Variants in ZGRF1 observed in about 807,000 individuals in gnomAD.
ZGRF1 encodes zinc finger GRF-type containing 1.
A neutral mutation model predicts 203.5 loss-of-function variants in ZGRF1; 196 were observed. That is an observed-to-expected ratio of 0.96 (90% CI 0.86 to 1.08). The LOEUF (loss-of-function observed/expected upper bound fraction) is 1.08, where lower values mean the gene tolerates loss of function less well. Ranked by LOEUF, ZGRF1 falls within the 50% of genes least tolerant of loss-of-function variation. ZGRF1 has a pLI of 0.00. For missense variants in ZGRF1, 2,326 were observed against 2,416.3 expected (o/e 0.96, Z 0.78); for synonymous variants, 809 against 841.3 (o/e 0.96, Z 0.66).
intron 22 of ZGRF1, among the ~76,000 whole-genome samples, chr4:112,551,479 T>C (rs1394994702): frequency 6.6e-6 from 1 of 152,186 alleles, no homozygotes; most frequent in Non-Finnish European, 1.5e-5. Flanking sequence ...ACAAATTAAA[T>C]ACTGCCTCCA....
intron 1 of ZGRF1, among the ~76,000 whole-genome samples, chr4:112,636,254 TACAC>T (rs1454385608): frequency 6.6e-6 from 1 of 152,152 alleles, no homozygotes; most frequent in Non-Finnish European, 1.5e-5. Flanking sequence ...CATACATACA[TACAC>T]ACAGATATAC....
At chr4:112,576,457 G>C (rs1007072268) in intron 16 of ZGRF1, among the ~76,000 whole-genome samples, 1 of 152,094 alleles carries the variant, frequency 6.6e-6, no homozygotes, top group African/African-American at 2.4e-5. Flanking sequence ...AGAGAAGAAG[G>C]CTCCAGACGA....
At chr4:112,614,772 A>G (rs2046810168) in intron 6 of ZGRF1, among the ~76,000 whole-genome samples, 1 of 152,092 alleles carries the variant, frequency 6.6e-6, no homozygotes, top group Non-Finnish European at 1.5e-5. Context: ...GGTTGCAGTG[A>G]GCCAAGATCG....
chr4:112,628,864 G>A (rs1384177923), intron 3 of ZGRF1: 3 of 430,028 alleles, frequency 7.0e-6, no homozygotes, highest in Admixed American at 5.9e-5. Context: ...AAAGAAAAAG[G>A]CAGAATATAA....
At chr4:112,632,905 G>A (rs1346672312) in intron 2 of ZGRF1, among the ~76,000 whole-genome samples, 3 of 152,202 alleles carry the variant, frequency 2.0e-5, no homozygotes, top group African/African-American at 7.2e-5. Context: ...GAAAAGTGAT[G>A]ATTTTGTGTA....
At chr4:112,567,900 G>C (rs1013963559) in intron 16 of ZGRF1, among the ~76,000 whole-genome samples, 3 of 151,952 alleles carry the variant, frequency 2.0e-5, no homozygotes, top group Admixed American at 6.6e-5. Context: ...CAGCCTGGGT[G>C]ACAGAGTGAG....
intron 16 of ZGRF1, chr4:112,564,918 C>A: frequency 1.4e-6 from 1 of 703,890 alleles, no homozygotes; most frequent in Non-Finnish European, 2.6e-6. Context: ...CTCTCCAACG[C>A]CAGCGCCGCC....
intron 20 of ZGRF1, among the ~76,000 whole-genome samples, chr4:112,556,005 G>T (rs542968319): frequency 8.4e-4 from 126 of 150,614 alleles, no homozygotes; most frequent in African/African-American, 2.8e-3. Flanking sequence ...TTTCACTTTG[G>T]GCTAAGCAAT....
chr4:112,585,408 G>T, intron 14 of ZGRF1, 133 bp downstream of exon 14: 1 of 538,594 alleles, frequency 1.9e-6, no homozygotes, highest in Non-Finnish European at 3.0e-6. Context: ...TTTAATGTAT[G>T]TTAGGTACCA....
chr4:112,599,613 T>C (rs1356083377), intron 10 of ZGRF1, among the ~76,000 whole-genome samples: 3 of 151,338 alleles, frequency 2.0e-5, no homozygotes, highest in Non-Finnish European at 2.9e-5. Flanking sequence ...TCTCAGCTAC[T>C]TGGGAGGCTG....
chr4:112,539,467 G>C lies in ZGRF1; in HGVS notation c.*80C>G, dbSNP rs956814984. ...ATCATATTTTTAATAAGAGGGTTTA[G>C]AGTAATAAAAATATAAAAAATATAT... On this transcript the variant is annotated 3_prime_UTR_variant, in exon 28 of 28. Transcript: ENST00000505019. 26 of 755,614 alleles carry C rather than the reference G, an allele frequency of 3.4e-5. No homozygotes were observed. The highest frequency in any genetic ancestry group is 5.0e-5 in the Non-Finnish European group (25 of 495,272). 46.8% of individuals were successfully genotyped at this position (755,614 alleles called of 1,614,324 possible). A position where few individuals can be genotyped will look rare whatever the true frequency, so the allele number is the denominator to read the frequency against.
rs764440726 is a variant in ZGRF1 at position 112,623,823 on chromosome 4, G to T, written c.156C>A (p.Cys52Ter). ...GATAAACACACTAAAATACCTCAAG[G>T]CATTTAAGAAACAGACTCTCCAAAC... ...GACLESLFLK[C>*]LEVKPGDDLE... Residue 52 changes from cysteine (C) to a stop codon, truncating the protein, a stop_gained, in exon 4 of 28, where the codon TGC (cysteine) becomes TGA (stop). Coordinates refer to ENST00000505019, the MANE Select transcript of ZGRF1 (RefSeq NM_018392.5). LOFTEE classifies it high-confidence loss of function. 2 of 1,558,838 alleles carry T rather than the reference G, an allele frequency of 1.3e-6. No homozygotes were observed. The highest frequency in any genetic ancestry group is 1.7e-5 in the Admixed American group (1 of 57,316).
At chr4:112,622,854 TG>T (rs2047107579) in intron 4 of ZGRF1, among the ~76,000 whole-genome samples, 1 of 152,194 alleles carries the variant, frequency 6.6e-6, no homozygotes, top group Non-Finnish European at 1.5e-5. Context: ...CAGGAGTACA[TG>T]TGCAGGTTTG....
chr4:112,554,913 T>C, intron 20 of ZGRF1, 131 bp from the exon 21 acceptor site: 1 of 480,396 alleles, frequency 2.1e-6, no homozygotes. Context: ...GTGAAATACC[T>C]AAACTCAAAC....
Position 112,618,042 on chromosome 4 carries a change from T to A in ZGRF1, c.2000A>T (p.Gln667Leu), listed in dbSNP as rs1248024070. Residue 667 changes from glutamine to leucine, a missense_variant, in exon 6 of 28, where the codon CAA (glutamine) becomes CTA (leucine). By Grantham distance (113) the Gln-to-Leu change is moderately radical. Transcript: ENST00000505019. Reference sequence around the variant, plus strand: ...AAAATCATAGTTAATTCTGACTTCTTGAATAGGTTTATTAGCATCTTCTTT... The same window carrying A: ...AAAATCATAGTTAATTCTGACTTCTAGAATAGGTTTATTAGCATCTTCTTT... ...DNKEDANKPI[Q>L]EVRINYDFAL... 6.8e-6 allele frequency: 11 copies of A among 1,613,284 alleles called. No individual in the cohort carries two copies. The highest frequency in any genetic ancestry group is 9.3e-6 in the Non-Finnish European group (11 of 1,179,822).
rs150137593 is a variant in ZGRF1 at position 112,617,439 on chromosome 4, C to T, written c.2602+1G>A. On this transcript the variant is annotated splice_donor_variant, in intron 6 of 27. Transcript: ENST00000505019. LOFTEE classifies it high-confidence loss of function. ...TTCCAAAATAGACATGCAATTCTAA[C>T]CTTCAGGAGGGCTATCTGGCTCATA... is the stretch of plus-strand genomic sequence containing the variant. 5.2e-6 allele frequency: 8 copies of T among 1,529,410 alleles called. No homozygotes were observed. Among genetic ancestry groups the T allele is most frequent in the Non-Finnish European group, 7.0e-6 (8 of 1,143,530 alleles). The allele number at this position is 1,529,410 out of a possible 1,614,324, so 94.7% of individuals were successfully genotyped here.
rs994359532 is a variant in ZGRF1, at chr4:112,563,881, C to T, written c.4439-607G>A. On this transcript the variant is annotated intron_variant, in intron 16 of 27. Transcript: ENST00000505019. ...ATGGTGCAAAGGGGCCAAGGCACTC[C>T]CTTTAACCTCTCTTATAAGGCCACT... Among the ~76,000 whole-genome samples, 5 of 152,128 alleles carry T rather than the reference C, an allele frequency of 3.3e-5. No homozygotes were observed. The East Asian group carries it at 5.8e-4, about 18-fold the overall frequency.
rs550659465 is a variant in ZGRF1, at chr4:112,542,171, G to A, written c.5599-903C>T. On this transcript the variant is annotated intron_variant, in intron 24 of 27. Transcript: ENST00000505019. The stretch of plus-strand genomic sequence containing the variant: ...TGCCTGGCAAACATGGTAAAACCCC[G>A]TCTCTACTAAAAATTTAATAATTAG... Among the ~76,000 whole-genome samples, 25 of 152,124 alleles carry A rather than the reference G, an allele frequency of 1.6e-4. No individual in the cohort carries two copies. The South Asian group carries it at 4.2e-3, about 25-fold the overall frequency.
intron 4 of ZGRF1, among the ~76,000 whole-genome samples, chr4:112,622,820 G>A (rs2047106311): frequency 6.6e-6 from 1 of 152,044 alleles, no homozygotes; most frequent in African/African-American, 2.4e-5. Flanking sequence ...GAATATTTAT[G>A]TATTTATTTT....
Sources: allele counts gnomAD v4.1 joint callset (sites outside exome capture counted in the v4.1 genomes callset), GRCh38; gene constraint gnomAD v4.1.1; transcripts MANE v1.5; gene names NCBI Gene and HGNC (gene_info 2026-07-23, HGNC 2026-07-21).